Variants in THRAP3 observed in about 807,000 individuals in gnomAD.
THRAP3 encodes thyroid hormone receptor-associated protein 3.
In THRAP3, 16 loss-of-function variants were observed where a neutral mutation model predicts 101.0. The ratio of observed to expected loss-of-function variants is 0.16; its 90% CI spans 0.11 to 0.24. The LOEUF is 0.24. Among genes scored for constraint, THRAP3 ranks in the 10% least tolerant of loss-of-function variants. THRAP3 has a pLI of 1.00. For missense variants in THRAP3, 989 were observed against 1,202.7 expected (o/e 0.82, Z 2.63); for synonymous variants, 407 against 422.6 (o/e 0.96, Z 0.45).
At chr1:36,208,811 C>T in the THRAP3 span, among the ~76,000 whole-genome samples, 1 of 151,958 alleles carries the variant, frequency 6.6e-6, no homozygotes, top group Non-Finnish European at 1.5e-5. Flanking sequence ...GGACTACAGG[C>T]ATGCACCACC....
At chr1:36,268,828 C>G (rs556739479) in intron 2 of THRAP3, among the ~76,000 whole-genome samples, 1 of 151,928 alleles carries the variant, frequency 6.6e-6, no homozygotes, top group South Asian at 2.1e-4. Flanking sequence ...CAGGTTCAAG[C>G]GATTCTCCTG....
At chr1:36,300,739 G>A in intron 9 of THRAP3, 147 bp from the exon 10 acceptor site, 1 of 692,960 alleles carries the variant, frequency 1.4e-6, no homozygotes. Flanking sequence ...GGTAGGTTGG[G>A]GGTGAGCTGG....
rs184656920 is a variant in THRAP3, at chr1:36,254,796, A to T, written c.-134-4586A>T. The stretch of plus-strand genomic sequence containing the variant: ...TGAAGTATTTTTTTGATAAAAAAAA[A>T]TTTTTTAAAACAGAAACCATTCTTA... On this transcript the variant is annotated intron_variant, in intron 1 of 11. Transcript: ENST00000354618. 1.7e-3 allele frequency among the ~76,000 whole-genome samples: 261 copies of T among 152,282 alleles called. 2 individuals carry two copies. The highest frequency in any genetic ancestry group is 0.013 in the South Asian group (62 of 4,828).
chr1:36,279,312 A>G (rs1160274166), intron 2 of THRAP3, among the ~76,000 whole-genome samples: 2 of 152,210 alleles, frequency 1.3e-5, no homozygotes, highest in Non-Finnish European at 2.9e-5. Flanking sequence ...AATGTTAGAC[A>G]GTCTGTTACT....
intron 1 of THRAP3, among the ~76,000 whole-genome samples, chr1:36,241,192 CA>C (rs35954224): frequency 3.8e-4 from 47 of 123,240 alleles, no homozygotes; most frequent in African/African-American, 7.6e-4. Context: ...GACTCCGTTT[CA>C]AAAAAAAAAA....
In THRAP3 at chr1:36,305,119, G is replaced by A. The variant is rs918093545; in HGVS notation, c.*1102G>A. 1.9e-5 allele frequency: 4 copies of A among 215,334 alleles called. No individual in the cohort carries two copies. Among genetic ancestry groups the A allele is most frequent in the Non-Finnish European group, 3.7e-5 (4 of 106,894 alleles). The allele number at this position is 215,334 out of a possible 1,614,324, so 13.3% of individuals were successfully genotyped here. On this transcript the variant is annotated 3_prime_UTR_variant, in exon 12 of 12. Transcript: ENST00000354618. ...CCTTGTGCTTGCCTTCTGGGGAGGC[G>A]GTCCTGAGCAGGTGAATCATAAGGC...
In THRAP3 at chr1:36,289,735, G is replaced by T. The variant is rs1194875737; in HGVS notation, c.1716G>T (p.Arg572=). 1 of 1,611,868 alleles carries T rather than the reference G, an allele frequency of 6.2e-7. No individual in the cohort carries two copies. The highest frequency in any genetic ancestry group is 8.5e-7 in the Non-Finnish European group (1 of 1,179,224). ...SITREAQVNV[R]MDSFDEDLAR... The stretch of plus-strand genomic sequence containing the variant: ...CTCGAGAGGCACAGGTCAATGTCCG[G>T]ATGGACTCTTTTGATGAGGACCTCG... Residue 572 remains arginine (R), a synonymous_variant, in exon 5 of 12, where the codon CGG becomes CGT. Transcript: ENST00000354618.
intron 1 of THRAP3, among the ~76,000 whole-genome samples, chr1:36,252,953 T>TGC (rs1645325016): frequency 7.2e-6 from 1 of 139,258 alleles, no homozygotes; most frequent in Non-Finnish European, 1.6e-5. Context: ...TATATATATA[T>TGC]ATATATATAT....
chr1:36,287,200 A>C lies in THRAP3; in HGVS notation c.970A>C (p.Thr324Pro). 6.2e-7 allele frequency: 1 copy of C among 1,614,080 alleles called. No homozygotes were observed. The highest frequency in any genetic ancestry group is 8.5e-7 in the Non-Finnish European group (1 of 1,180,012). Residue 324 changes from threonine to proline, a missense_variant, in exon 4 of 12, where the codon ACT becomes CCT. By Grantham distance (38) the Thr-to-Pro change is conservative. Transcript: ENST00000354618. ...CCCTGTGGGTAAGAGTCCACCATCC[A>C]CTGGCTCCACATATGGCTCATCTCA... is the stretch of plus-strand genomic sequence containing the variant. ...KSPVGKSPPSTGSTYGSSQKE... is the reference protein window; with the variant it reads ...KSPVGKSPPSPGSTYGSSQKE...
chr1:36,260,268 T>C (rs1427152184), intron 2 of THRAP3, among the ~76,000 whole-genome samples: 1 of 151,754 alleles, frequency 6.6e-6, no homozygotes, highest in African/African-American at 2.4e-5. Context: ...ACAAAAGCTG[T>C]ATATATTTGC....
rs187993987 is a variant in THRAP3 at position 36,228,716 on chromosome 1, G to C, written c.-135+4211G>C. 1.2e-4 allele frequency among the ~76,000 whole-genome samples: 18 copies of C among 152,292 alleles called. No homozygotes were observed. The East Asian group carries it at 3.1e-3, about 26-fold the overall frequency. On this transcript the variant is annotated intron_variant, in intron 1 of 11. Transcript: ENST00000354618. ...GGACTCCAGGGAGCCCATGAACTCTGTAAAATATTTTTGAATAGGGGTGCA... is the reference window on the plus strand; with the variant it reads ...GGACTCCAGGGAGCCCATGAACTCTCTAAAATATTTTTGAATAGGGGTGCA...
intron 1 of THRAP3, among the ~76,000 whole-genome samples, chr1:36,247,721 C>G (rs756982619): frequency 1.3e-5 from 2 of 152,128 alleles, no homozygotes; most frequent in African/African-American, 2.4e-5. Context: ...TGTATTGCCT[C>G]ATTTTTTTTG....
At chr1:36,303,733 A>G (rs1477919745) in intron 11 of THRAP3, 63 bp from the exon 12 acceptor site, 12 of 1,609,420 alleles carry the variant, frequency 7.5e-6, no homozygotes, top group Admixed American at 1.7e-5. Context: ...GTGCGTGCAG[A>G]GAAGAGAGCT....
chr1:36,272,259 A>G (rs990375471), intron 2 of THRAP3, among the ~76,000 whole-genome samples: 10 of 152,196 alleles, frequency 6.6e-5, no homozygotes, highest in Admixed American at 1.3e-4. Context: ...TTTTTAGGAG[A>G]GTACCCAATG....
chr1:36,238,576 C>G (rs1645118285), intron 1 of THRAP3, among the ~76,000 whole-genome samples: 1 of 152,076 alleles, frequency 6.6e-6, no homozygotes, highest in Non-Finnish European at 1.5e-5. Context: ...CTATGGTAGG[C>G]AGATCTCTTC....
At chr1:36,208,518 GT>G in the THRAP3 span, among the ~76,000 whole-genome samples, 2 of 152,204 alleles carry the variant, frequency 1.3e-5, no homozygotes, top group East Asian at 3.9e-4. Flanking sequence ...GCCCCCCGGT[GT>G]AAAGAAGGTG....
intron 2 of THRAP3, among the ~76,000 whole-genome samples, chr1:36,279,194 C>A (rs1160384774): frequency 6.6e-6 from 1 of 152,022 alleles, no homozygotes; most frequent in South Asian, 2.1e-4. Flanking sequence ...TGAGTGTTTC[C>A]TTTTCCACTA....
chr1:36,209,107 G>A, the THRAP3 span, among the ~76,000 whole-genome samples: 10 of 149,576 alleles, frequency 6.7e-5, no homozygotes, highest in Non-Finnish European at 1.3e-4. Context: ...CTCTCAAGTA[G>A]CTGGAACTAC....
chr1:36,297,410 C>T, intron 9 of THRAP3, among the ~76,000 whole-genome samples: 1 of 150,896 alleles, frequency 6.6e-6, no homozygotes, highest in Admixed American at 6.6e-5. Context: ...TAAGAAGCAA[C>T]ACTTCTGCTG....
Sources: allele counts gnomAD v4.1 joint callset (sites outside exome capture counted in the v4.1 genomes callset), GRCh38; gene constraint gnomAD v4.1.1; transcripts MANE v1.5; gene names NCBI Gene and HGNC (gene_info 2026-07-23, HGNC 2026-07-21).